The following DAGLA variants were observed in gnomAD, a reference collection of about 807,000 sequenced individuals.
DAGLA encodes the protein diacylglycerol lipase-alpha.
A neutral mutation model predicts 102.6 loss-of-function variants in DAGLA; 22 were observed. That is an observed-to-expected ratio of 0.21 (90% CI 0.15 to 0.31). DAGLA has a LOEUF of 0.31. DAGLA is among the 10% of genes least tolerant of loss of function. The probability of loss-of-function intolerance (pLI) is 1.00; values close to 1 mark genes in which losing one functional copy is unlikely to be tolerated. For missense variants in DAGLA, 927 were observed against 1,446.6 expected, an observed-to-expected ratio of 0.64 and a Z score of 5.83; for synonymous variants, 578 against 628.9, an observed-to-expected ratio of 0.92 and a Z score of 1.21.
rs763111465 is a variant in DAGLA at position 61,744,058 on chromosome 11, G to A, written c.2698G>A (p.Gly900Arg). ...ASRGELALHN[G>R]RLGDSPSPQV... ...CCGCGGGGAGCTGGCGCTGCACAAT[G>A]GGCGCCTGGGGGACTCGCCCAGTCC... Residue 900 changes from glycine (G) to arginine (R), a missense_variant, in exon 20 of 20, where the codon GGG (glycine) becomes AGG (arginine). Gly to Arg is a moderately radical substitution (Grantham distance 125, BLOSUM62 -2). This residue lies in a region of DAGLA where 434 missense variants were observed against 503.3 expected (regional missense o/e 0.86). Transcript: ENST00000257215. 3 of 1,612,660 alleles carry A rather than the reference G, an allele frequency of 1.9e-6. No homozygotes were observed. In the South Asian group the frequency reaches 3.3e-5, roughly 18 times the overall value.
In DAGLA at chr11:61,684,227, C is replaced by T. The variant is rs943749165; in HGVS notation, c.-45+3723C>T. Among the ~76,000 whole-genome samples the T allele has an allele frequency of 6.6e-6, 1 of 152,234 alleles. No homozygotes were observed. Among genetic ancestry groups the T allele is most frequent in the Non-Finnish European group, 1.5e-5 (1 of 68,046 alleles). ...CCATCACTCTGTGATTTCAATTTCT[C>T]ACCGGAATAGCTTTACATTACACTC... On this transcript the variant is annotated intron_variant, in intron 1 of 19. Coordinates refer to ENST00000257215, the MANE Select transcript of DAGLA (RefSeq NM_006133.3). The surrounding 1 kb of genome is among the most constrained non-coding windows in gnomAD (Gnocchi z 4.5).
At chr11:61,688,239 C>T (rs1370798389) in intron 1 of DAGLA, among the ~76,000 whole-genome samples, 2 of 149,128 alleles carry the variant, frequency 1.3e-5, no homozygotes, top group South Asian at 2.1e-4. Flanking sequence ...GGCGTGAATC[C>T]GGGAGGCGGA....
chr11:61,692,819 A>C (rs2065035309), intron 1 of DAGLA, among the ~76,000 whole-genome samples: 1 of 152,084 alleles, frequency 6.6e-6, no homozygotes, highest in South Asian at 2.1e-4. Flanking sequence ...ACTACTCCAC[A>C]ATAATGAGGA....
Position 61,720,861 on chromosome 11 carries a change from C to T in DAGLA, c.278C>T (p.Ser93Phe), listed in dbSNP as rs2065275672. 6.2e-7 allele frequency: 1 copy of T among 1,613,404 alleles called. No individual in the cohort carries two copies. Among genetic ancestry groups the T allele is most frequent in the Non-Finnish European group, 8.5e-7 (1 of 1,180,036 alleles). The stretch of plus-strand genomic sequence containing the variant: ...ATCCTCTACACGGAGCCCCGTGACT[C>T]CATGCAGTACGTGCTCTACGTGCGC... ...GGILYTEPRD[S>F]MQYVLYVRLA... Residue 93 changes from serine to phenylalanine, a missense_variant, in exon 3 of 20, where the codon TCC (serine) becomes TTC (phenylalanine). Physicochemically the swap from Ser to Phe is radical, Grantham distance 155. Around this residue, in one of 4 missense-constraint regions of DAGLA, gnomAD observed 231 missense variants for 439.8 expected, o/e 0.53. Transcript: ENST00000257215.
chr11:61,742,140 C>T (rs935348658), intron 19 of DAGLA, among the ~76,000 whole-genome samples: 2 of 152,180 alleles, frequency 1.3e-5, no homozygotes, highest in African/African-American at 4.8e-5. Flanking sequence ...TGCATGAATA[C>T]ACCTGTGCAC....
At position 61,735,719 on chromosome 11, in the gene DAGLA, C is replaced by G. The variant is rs375069343; in HGVS notation, c.1213-20C>G. The G allele has an allele frequency of 4.3e-6, 7 of 1,613,206 alleles. No homozygotes were observed. Among genetic ancestry groups the G allele is most frequent in the African/African-American group, 1.3e-5 (1 of 74,910 alleles). Reference sequence around the variant, plus strand: ...CTGTCCTCTTTAGCCGCCCCCTCACCTGTCTCCTCTCTCCCCAAGGATGCC... The same window carrying G: ...CTGTCCTCTTTAGCCGCCCCCTCACGTGTCTCCTCTCTCCCCAAGGATGCC... On this transcript the variant is annotated intron_variant, in intron 11 of 19. Transcript: ENST00000257215.
intron 1 of DAGLA, among the ~76,000 whole-genome samples, chr11:61,694,797 G>T (rs1396680323): frequency 1.3e-5 from 2 of 152,036 alleles, no homozygotes; most frequent in Non-Finnish European, 2.9e-5. Context: ...CATGTTTTCA[G>T]TCTTCTTTCA....
rs932738245 is a variant in DAGLA at position 61,684,804 on chromosome 11, G to A, written c.-45+4300G>A. On this transcript the variant is annotated intron_variant, in intron 1 of 19. Coordinates refer to ENST00000257215, the MANE Select transcript of DAGLA (RefSeq NM_006133.3). The surrounding 1 kb of genome is among the most constrained non-coding windows in gnomAD (Gnocchi z 4.5). ...GGCTCCCGTGTCTGGCTGGCCTGGT[G>A]TTGGTGGGTGTGCGGAGCTGGGGGT... 2.6e-5 allele frequency among the ~76,000 whole-genome samples: 4 copies of A among 152,116 alleles called. No homozygotes were observed. Among genetic ancestry groups the A allele is most frequent in the Non-Finnish European group, 4.4e-5 (3 of 68,014 alleles).
At chr11:61,692,791 C>T (rs982702252) in intron 1 of DAGLA, among the ~76,000 whole-genome samples, 4 of 151,812 alleles carry the variant, frequency 2.6e-5, no homozygotes, top group East Asian at 1.9e-4. Flanking sequence ...AATGAACTTC[C>T]GTACATCTTG....
In DAGLA at chr11:61,734,867, G is replaced by A. The variant is rs753918805; in HGVS notation, c.993G>A (p.Ala331=). Residue 331 remains alanine (A), a synonymous_variant, in exon 10 of 20, where the codon GCG becomes GCA. Coordinates refer to ENST00000257215, the MANE Select transcript of DAGLA (RefSeq NM_006133.3). This position sits in a 1 kb window ranked among gnomAD's most constrained non-coding sequence, Gnocchi z 4.2. ...ACCCTAGGTGTTGCCTGTGTCCTGC[G>A]AGGCCGCGGTTCGCCCCTGGAGTCA... The part of the protein sequence containing the change: ...ARSCSCCLCP[A]RPRFAPGVTI... 27 of 1,613,588 alleles carry A rather than the reference G, an allele frequency of 1.7e-5. No individual in the cohort carries two copies. The South Asian group carries it at 1.9e-4, about 11-fold the overall frequency.
At chr11:61,730,084 C>T (rs1388889615) in intron 8 of DAGLA, among the ~76,000 whole-genome samples, 1 of 151,764 alleles carries the variant, frequency 6.6e-6, no homozygotes, top group Admixed American at 6.6e-5. Context: ...AAAACCAACA[C>T]TCAGTCCTCT....
chr11:61,741,204 G>A lies in DAGLA; in HGVS notation c.2026G>A (p.Ala676Thr). Residue 676 changes from alanine to threonine, a missense_variant, in exon 19 of 20, where the codon GCA (alanine) becomes ACA (threonine). By Grantham distance (58) the Ala-to-Thr change is moderately conservative (BLOSUM62 0). Transcript: ENST00000257215. ...CAAGGGGAAGACCGCTCTGCTCTCTGCAGCCAAGGTCATGGTGAGCCCTAC... is the reference window on the plus strand; with the variant it reads ...CAAGGGGAAGACCGCTCTGCTCTCTACAGCCAAGGTCATGGTGAGCCCTAC... ...YNKGKTALLS[A>T]AKVMVSPTEV... The A allele has an allele frequency of 6.2e-7, 1 of 1,613,604 alleles. No individual in the cohort carries two copies. The highest frequency in any genetic ancestry group is 8.5e-7 in the Non-Finnish European group (1 of 1,180,012).
At chr11:61,685,338 A>G (rs2135546199) in intron 1 of DAGLA, among the ~76,000 whole-genome samples, 1 of 152,306 alleles carries the variant, frequency 6.6e-6, no homozygotes, top group East Asian at 1.9e-4. Context: ...TCCTTTCCAT[A>G]GAGAAGTGGT....
At chr11:61,738,266 C>T (rs754238886) in intron 16 of DAGLA, 59 bp downstream of exon 16, 319 of 1,428,372 alleles carry the variant, frequency 2.2e-4, no homozygotes, top group Non-Finnish European at 2.9e-4. Context: ...TGCCCTTGAC[C>T]CCCACCGGTT....
chr11:61,743,923 C>A lies in DAGLA; in HGVS notation c.2563C>A (p.Pro855Thr). The change falls in exon 20 of 20, where the codon CCC (proline) becomes ACC (threonine). Residue 855 changes from proline (P) to threonine (T), a missense_variant. Physicochemically the swap from Pro to Thr is conservative, Grantham distance 38 (BLOSUM62 -1). This residue lies in a region of DAGLA where 434 missense variants were observed against 503.3 expected (regional missense o/e 0.86). Coordinates refer to ENST00000257215, the MANE Select transcript of DAGLA (RefSeq NM_006133.3). ...GTCCAAGCACTCACAGGACACGCAG[C>A]CCCTGGAGGCGGCCCTGGGCAGTGG... ...SLSKHSQDTQ[P>T]LEAALGSGGV... The A allele has an allele frequency of 6.2e-7, 1 of 1,612,146 alleles. No individual in the cohort carries two copies. Among genetic ancestry groups the A allele is most frequent in the Non-Finnish European group, 8.5e-7 (1 of 1,179,772 alleles).
Position 61,745,796 on chromosome 11 carries a change from C to G in DAGLA, c.*1307C>G, listed in dbSNP as rs1210920675. ...GTTCCTAAGGAAGGGGCCTCTGGGG[C>G]TGCCCACCCTACCTGCCCTGCCTGC... On this transcript the variant is annotated 3_prime_UTR_variant, in exon 20 of 20. Transcript: ENST00000257215. 1.3e-5 allele frequency: 2 copies of G among 152,468 alleles called. No homozygotes were observed. Among genetic ancestry groups the G allele is most frequent in the Non-Finnish European group, 2.9e-5 (2 of 68,248 alleles). The allele number at this position is 152,468 out of a possible 1,614,324, so 9.4% of individuals were successfully genotyped here. A position where few individuals can be genotyped will look rare whatever the true frequency, so the allele number is the denominator to read the frequency against.
At chr11:61,713,595 G>A (rs764516163) in intron 1 of DAGLA, among the ~76,000 whole-genome samples, 22 of 152,214 alleles carry the variant, frequency 1.4e-4, no homozygotes, top group Non-Finnish European at 2.9e-4. Context: ...CAGCCACAGT[G>A]AACAGCTGGA....
intron 9 of DAGLA, among the ~76,000 whole-genome samples, chr11:61,731,874 C>T (rs1055883837): frequency 1.3e-5 from 2 of 152,202 alleles, no homozygotes; most frequent in African/African-American, 4.8e-5. Context: ...CGGCTCCCCT[C>T]ATGTGCTCTG....
intron 1 of DAGLA, among the ~76,000 whole-genome samples, chr11:61,695,017 G>C (rs2062143912): frequency 1.3e-5 from 2 of 152,222 alleles, no homozygotes; most frequent in South Asian, 4.1e-4. Context: ...GGTGATTCCA[G>C]GAAGCAGCCC....
Sources: gnomAD v4.1 joint callset for allele counts (sites outside exome capture counted in the v4.1 genomes callset) on GRCh38, gnomAD v4.1.1 for gene constraint, gnomAD v4.1.1 regional missense constraint, Gnocchi (gnomAD v3.1) non-coding constraint, MANE v1.5 for transcripts, NCBI Gene and HGNC (gene_info 2026-07-23, HGNC 2026-07-21) for gene names.